Variants in ADCY5 observed in about 807,000 individuals in gnomAD.
The protein encoded by ADCY5 is adenylate cyclase 5.
In ADCY5, 30 loss-of-function variants were observed where a neutral mutation model predicts 119.7. That is an observed-to-expected ratio of 0.25 (90% CI 0.19 to 0.34). The LOEUF (loss-of-function observed/expected upper bound fraction) is 0.34. Ranked by LOEUF, ADCY5 falls within the 10% of genes least tolerant of loss-of-function variation. ADCY5 has a pLI of 1.00. For synonymous variants in ADCY5, 753 were observed against 762.2 expected, an observed-to-expected ratio of 0.99 and a Z score of 0.20; for missense variants, 1,324 against 1,775.2, an observed-to-expected ratio of 0.75 and a Z score of 4.57.
rs551909414 is a variant in ADCY5 at position 123,295,027 on chromosome 3, C to T, written c.3063+1057G>A. ...AGGGCTTCACAAGGGGCATTCTGCA[C>T]AGAACCCTTCTGGGATTCTCCCTGG... On this transcript the variant is annotated intron_variant, in intron 17 of 20. Coordinates refer to ENST00000462833, the MANE Select transcript of ADCY5 (RefSeq NM_183357.3). Among the ~76,000 whole-genome samples, 4 of 152,334 alleles carry T rather than the reference C, an allele frequency of 2.6e-5. No homozygotes were observed. The East Asian group carries it at 7.7e-4, about 29-fold the overall frequency.
chr3:123,373,766 C>A lies in ADCY5; in HGVS notation c.1135-21185G>T, dbSNP rs190536598. 2.7e-4 allele frequency among the ~76,000 whole-genome samples: 9 copies of A among 33,644 alleles called. 1 individual carries two copies. Among genetic ancestry groups the A allele is most frequent in the South Asian group, 3.7e-3 (1 of 272 alleles). The allele number at this position is 33,644 out of a possible 152,430, so 22.1% of individuals were successfully genotyped here. On this transcript the variant is annotated intron_variant, in intron 1 of 20. Coordinates refer to ENST00000462833, the MANE Select transcript of ADCY5 (RefSeq NM_183357.3). ...CAGGCCAGAAGCATCACGCCCCCCC[C>A]CCCCCGACCCCCCCGCAGGTAGCAG... is the stretch of plus-strand genomic sequence containing the variant.
intron 17 of ADCY5, among the ~76,000 whole-genome samples, chr3:123,295,875 G>A (rs1006720673): frequency 6.6e-6 from 1 of 152,252 alleles, no homozygotes; most frequent in Non-Finnish European, 1.5e-5. Context: ...CACAGAGTAA[G>A]TCCCAGGGTT....
In ADCY5 at chr3:123,373,281, CA is replaced by C. The variant is rs1943697704; in HGVS notation, c.1135-20701del. Among the ~76,000 whole-genome samples, 3 of 152,322 alleles carry C rather than the reference CA, an allele frequency of 2.0e-5. No individual in the cohort carries two copies. The South Asian group carries it at 6.2e-4, about 32-fold the overall frequency. ...AGACTGATCTGACTTCAGCATGAGC[CA>C]AAAATAATGAAGAGAGGAAGTCTGC... is the stretch of plus-strand genomic sequence containing the variant. On this transcript the variant is annotated intron_variant, in intron 1 of 20. Transcript: ENST00000462833.
intron 1 of ADCY5, among the ~76,000 whole-genome samples, chr3:123,376,371 A>G (rs1038803231): frequency 3.3e-5 from 5 of 151,976 alleles, no homozygotes; most frequent in Non-Finnish European, 5.9e-5. Context: ...AAGAATCACT[A>G]GGACAGCTAA....
chr3:123,285,830 G>T (rs1402128045), intron 20 of ADCY5, among the ~76,000 whole-genome samples: 2 of 152,216 alleles, frequency 1.3e-5, no homozygotes, highest in African/African-American at 2.4e-5. Context: ...TTAAGGCCAG[G>T]CCCCTCGGCC....
chr3:123,323,502 C>CT (rs1266057496), intron 8 of ADCY5, among the ~76,000 whole-genome samples: 6 of 152,088 alleles, frequency 3.9e-5, no homozygotes, highest in African/African-American at 1.2e-4. Flanking sequence ...GTTCCCTGCT[C>CT]TTCCCTGGCC....
chr3:123,424,672 C>T (rs1204171944), intron 1 of ADCY5, among the ~76,000 whole-genome samples: 1 of 152,180 alleles, frequency 6.6e-6, no homozygotes, highest in Admixed American at 6.5e-5. Context: ...GACCGTCCTC[C>T]TGATGGCTTC....
In ADCY5 at chr3:123,282,788, G is replaced by A. The variant is rs1938456801; in HGVS notation, c.*1820C>T. ...GTGCGGGGAGGGGAGGGTGGTGCTA[G>A]AGCCCAGTGAGAGGTGGTACAGGTG... On this transcript the variant is annotated 3_prime_UTR_variant, in exon 21 of 21. Coordinates refer to ENST00000462833, the MANE Select transcript of ADCY5 (RefSeq NM_183357.3). 1 of 152,256 alleles carries A rather than the reference G, an allele frequency of 6.6e-6. No individual in the cohort carries two copies. Among genetic ancestry groups the A allele is most frequent in the Non-Finnish European group, 1.5e-5 (1 of 68,094 alleles). The allele number at this position is 152,256 out of a possible 1,614,324, so 9.4% of individuals were successfully genotyped here. A position where few individuals can be genotyped will look rare whatever the true frequency, so the allele number is the denominator to read the frequency against.
At chr3:123,381,081 T>C (rs1330814795) in intron 1 of ADCY5, among the ~76,000 whole-genome samples, 1 of 152,372 alleles carries the variant, frequency 6.6e-6, no homozygotes, top group East Asian at 1.9e-4. Flanking sequence ...GTGGTTGAAG[T>C]AGTATAGGCA....
At chr3:123,374,456 C>T (rs527994048) in intron 1 of ADCY5, among the ~76,000 whole-genome samples, 7 of 152,264 alleles carry the variant, frequency 4.6e-5, no homozygotes, top group African/African-American at 1.7e-4. Context: ...GCAGGTATAG[C>T]CTCATCTAAT....
intron 15 of ADCY5, among the ~76,000 whole-genome samples, chr3:123,297,749 G>A (rs916014660): frequency 1.3e-5 from 2 of 152,230 alleles, no homozygotes; most frequent in Non-Finnish European, 2.9e-5. Flanking sequence ...TGTGGCAGCC[G>A]CTGGCCACGT....
intron 1 of ADCY5, among the ~76,000 whole-genome samples, chr3:123,423,417 T>TGAGGCCTCCACATCCCACAGCCTC (rs1945340795): frequency 6.6e-6 from 1 of 152,216 alleles, no homozygotes; most frequent in African/African-American, 2.4e-5. Context: ...GCTACAGCCT[T>TGAGGCCTCCACATCCCACAGCCTC]GAGGCCTCCA....
At chr3:123,354,098 G>C (rs991341768) in intron 1 of ADCY5, among the ~76,000 whole-genome samples, 1 of 152,076 alleles carries the variant, frequency 6.6e-6, no homozygotes, top group Non-Finnish European at 1.5e-5. Flanking sequence ...CCCCATCTAC[G>C]CTAGCATCCC....
intron 3 of ADCY5, among the ~76,000 whole-genome samples, chr3:123,346,607 T>TTCTCTC (rs72299981): frequency 0.017 from 2,235 of 128,016 alleles, 41 homozygotes; most frequent in South Asian, 0.053. Context: ...CAGCCTCACC[T>TTCTCTC]TCTCTCTCTC....
chr3:123,327,984 C>T (rs963334282), intron 6 of ADCY5, among the ~76,000 whole-genome samples: 3 of 152,210 alleles, frequency 2.0e-5, no homozygotes, highest in African/African-American at 2.4e-5. Flanking sequence ...AACATCCTGG[C>T]ACAGACCACT....
At chr3:123,377,243 G>A (rs1176548646) in intron 1 of ADCY5, among the ~76,000 whole-genome samples, 5 of 152,040 alleles carry the variant, frequency 3.3e-5, no homozygotes, top group African/African-American at 9.7e-5. Flanking sequence ...TCAGCTCTCC[G>A]GGCTCGAGTC....
At chr3:123,310,059 A>G (rs543286505) in intron 12 of ADCY5, among the ~76,000 whole-genome samples, 16 of 151,270 alleles carry the variant, frequency 1.1e-4, no homozygotes, top group Non-Finnish European at 5.9e-5. Context: ...ATGTAGACCA[A>G]AAGAAAAGCA....
chr3:123,292,389 C>A (rs1017304729), intron 17 of ADCY5, among the ~76,000 whole-genome samples: 1 of 152,110 alleles, frequency 6.6e-6, no homozygotes, highest in Non-Finnish European at 1.5e-5. Context: ...GATCCAGGAC[C>A]CCTAGGCTCA....
Position 123,448,874 on chromosome 3 carries a change from T to G in ADCY5, c.-329A>C. Reference sequence around the variant, plus strand: ...TCCGGGATCCTGGCTCGCGTCGAGCTCGACGAGGGCCGGAGTTGCGGACGA... The same window carrying G: ...TCCGGGATCCTGGCTCGCGTCGAGCGCGACGAGGGCCGGAGTTGCGGACGA... On this transcript the variant is annotated 5_prime_UTR_variant, in exon 1 of 21. Coordinates refer to ENST00000462833, the MANE Select transcript of ADCY5 (RefSeq NM_183357.3). 4.1e-6 allele frequency: 1 copy of G among 246,168 alleles called. No homozygotes were observed. The highest frequency in any genetic ancestry group is 7.7e-6 in the Non-Finnish European group (1 of 129,116). 15.2% of individuals were successfully genotyped at this position (246,168 alleles called of 1,614,324 possible).
Sources: gnomAD v4.1 joint callset for allele counts (sites outside exome capture counted in the v4.1 genomes callset) on GRCh38, gnomAD v4.1.1 for gene constraint, MANE v1.5 for transcripts, NCBI Gene and HGNC (gene_info 2026-07-23, HGNC 2026-07-21) for gene names.